Variants in SEM1 observed in about 807,000 individuals in gnomAD.
SEM1 encodes 26S proteasome complex subunit SEM1.
Under a neutral mutation model 12.7 loss-of-function variants are expected in SEM1, and 3 were observed. The observed-to-expected ratio is 0.24, with a 90% CI of 0.11 to 0.61. SEM1 has a LOEUF of 0.61. SEM1 is among the 20% of genes least tolerant of loss of function. SEM1 has a pLI of 0.88. For missense variants in SEM1, 59 were observed against 81.3 expected (o/e 0.73, Z 1.06); for synonymous variants, 30 against 27.8 (o/e 1.08, Z -0.25).
intron 2 of SEM1, among the ~76,000 whole-genome samples, chr7:96,603,591 T>C (rs796844668): frequency 2.4e-4 from 37 of 152,324 alleles, no homozygotes; most frequent in African/African-American, 8.9e-4. Flanking sequence ...AGTTTTTTTC[T>C]GGTGCCAGAC....
chr7:96,482,790 A>T (rs1179194699), exon 4 of SEM1: 1 of 152,220 alleles, frequency 6.6e-6, no homozygotes, highest in African/African-American at 2.4e-5. Flanking sequence ...AAGATCCAGA[A>T]ATATAGCCGA....
At chr7:96,541,431 G>GTT (rs55863103) in intron 2 of SEM1, among the ~76,000 whole-genome samples, 5 of 121,482 alleles carry the variant, frequency 4.1e-5, no homozygotes, top group African/African-American at 1.9e-4. Context: ...TTTTTAATGG[G>GTT]TTTTTTTTTT....
intron 2 of SEM1, among the ~76,000 whole-genome samples, chr7:96,557,951 T>C (rs1805577117): frequency 6.6e-6 from 1 of 152,110 alleles, no homozygotes; most frequent in Non-Finnish European, 1.5e-5. Context: ...GTGACCCGAT[T>C]TTCCAGGTGC....
intron 2 of SEM1, among the ~76,000 whole-genome samples, chr7:96,675,965 T>C (rs1231728168): frequency 6.6e-6 from 1 of 152,184 alleles, no homozygotes; most frequent in Non-Finnish European, 1.5e-5. Flanking sequence ...ATAACATATT[T>C]AGGGTTGGAT....
chr7:96,709,379 T>C (rs960884217), intron 1 of SEM1, among the ~76,000 whole-genome samples: 5 of 152,224 alleles, frequency 3.3e-5, no homozygotes, highest in African/African-American at 9.6e-5. Context: ...TAAGTTTAAG[T>C]GGTGAGTAAC....
intron 1 of SEM1, among the ~76,000 whole-genome samples, chr7:96,706,755 T>C (rs1790480162): frequency 6.6e-6 from 1 of 151,936 alleles, no homozygotes; most frequent in African/African-American, 2.4e-5. Context: ...CAGTAACGAC[T>C]TTCATGTGGC....
At chr7:96,591,354 C>T (rs1040990136) in intron 2 of SEM1, among the ~76,000 whole-genome samples, 6 of 152,248 alleles carry the variant, frequency 3.9e-5, no homozygotes, top group African/African-American at 1.4e-4. Context: ...AACTGTCAAC[C>T]ACCAGAATGG....
Position 96,486,070 on chromosome 7 carries a change from A to T in SEM1, c.227+133T>A, listed in dbSNP as rs146152827. On this transcript the variant is annotated intron_variant, in intron 2 of 3. Transcript: ENST00000356686. ...AAGAATTGGAAGAAAGGAAAATATCACGTGTAAAGATCACGGTTGAGTATG... is the reference window on the plus strand; with the variant it reads ...AAGAATTGGAAGAAAGGAAAATATCTCGTGTAAAGATCACGGTTGAGTATG... 219 of 652,208 alleles carry T rather than the reference A, an allele frequency of 3.4e-4. 1 individual carries two copies. In the East Asian group the frequency reaches 5.5e-3, roughly 16 times the overall value. The allele number at this position is 652,208 out of a possible 1,614,324, so 40.4% of individuals were successfully genotyped here. A position where few individuals can be genotyped will look rare whatever the true frequency, so the allele number is the denominator to read the frequency against.
In SEM1 at chr7:96,604,876, G is replaced by T. The variant is rs576817325; in HGVS notation, c.170+89922C>A. 2.2e-5 allele frequency among the ~76,000 whole-genome samples: 3 copies of T among 136,238 alleles called. No homozygotes were observed. In the South Asian group the frequency reaches 8.1e-4, roughly 37 times the overall value. 89.4% of individuals were successfully genotyped at this position (136,238 alleles called of 152,430 possible). On this transcript the variant is annotated intron_variant and NMD_transcript_variant, in intron 2 of 3. Transcript: ENST00000466986. ...AGAGGTTGCAGCGAGCCAAGATTAT[G>T]CCACTGCACTCCAGCCTGGGCGAGA...
At chr7:96,607,696 G>A (rs541176749) in intron 2 of SEM1, among the ~76,000 whole-genome samples, 2 of 152,278 alleles carry the variant, frequency 1.3e-5, no homozygotes, top group South Asian at 4.2e-4. Flanking sequence ...GCTGGTCATG[G>A]AGATACTCTC....
At chr7:96,631,770 C>A (rs2116339201) in intron 2 of SEM1, among the ~76,000 whole-genome samples, 1 of 152,192 alleles carries the variant, frequency 6.6e-6, no homozygotes, top group South Asian at 2.1e-4. Context: ...AACAGGCAAC[C>A]TACAGAATGG....
chr7:96,577,503 T>C (rs1168811119), intron 2 of SEM1, among the ~76,000 whole-genome samples: 1 of 152,052 alleles, frequency 6.6e-6, no homozygotes, highest in African/African-American at 2.4e-5. Context: ...GAGAGAAATA[T>C]AAAACAGATG....
chr7:96,602,244 A>G (rs1807218149), intron 2 of SEM1, among the ~76,000 whole-genome samples: 1 of 152,214 alleles, frequency 6.6e-6, no homozygotes. Context: ...AGTGGGGATA[A>G]CAGAGGACCA....
chr7:96,568,853 TAAG>T (rs1288652250), intron 2 of SEM1, among the ~76,000 whole-genome samples: 1 of 151,922 alleles, frequency 6.6e-6, no homozygotes, highest in Non-Finnish European at 1.5e-5. Context: ...GTTCATTCCT[TAAG>T]AAGTTCTATG....
At chr7:96,622,921 C>T (rs897895908) in intron 2 of SEM1, 12 of 377,176 alleles carry the variant, frequency 3.2e-5, no homozygotes, top group Non-Finnish European at 5.3e-5. Context: ...CCAGTCTTGA[C>T]ATCTGTGATG....
At chr7:96,552,731 G>A (rs551090160) in intron 2 of SEM1, among the ~76,000 whole-genome samples, 3 of 152,156 alleles carry the variant, frequency 2.0e-5, no homozygotes, top group Admixed American at 1.3e-4. Flanking sequence ...GGGTCAAATG[G>A]TATTTATTTC....
chr7:96,530,056 T>A (rs922441177), intron 2 of SEM1, among the ~76,000 whole-genome samples: 2 of 152,098 alleles, frequency 1.3e-5, no homozygotes, highest in South Asian at 4.1e-4. Context: ...GTTTTAGACC[T>A]GATTCTAGGT....
intron 2 of SEM1, among the ~76,000 whole-genome samples, chr7:96,690,266 A>T (rs191517553): frequency 2.6e-5 from 4 of 152,186 alleles, no homozygotes; most frequent in Non-Finnish European, 5.9e-5. Flanking sequence ...TGAACAAAAA[A>T]ACCCCAAAGT....
intron 2 of SEM1, among the ~76,000 whole-genome samples, chr7:96,626,393 T>C (rs185030072): frequency 6.6e-6 from 1 of 152,320 alleles, no homozygotes; most frequent in Non-Finnish European, 1.5e-5. Flanking sequence ...TTACATCGTA[T>C]GTAAGTACTA....
Sources: allele counts gnomAD v4.1 joint callset (sites outside exome capture counted in the v4.1 genomes callset), GRCh38; gene constraint gnomAD v4.1.1; transcripts MANE v1.5; gene names NCBI Gene and HGNC (gene_info 2026-07-23, HGNC 2026-07-21).